Variants in ARHGAP8 observed in about 807,000 individuals in gnomAD.
The protein encoded by ARHGAP8 is Rho GTPase activating protein 8.
ARHGAP8 carries 62 observed loss-of-function variants against 46.1 expected under a neutral mutation model. The observed-to-expected ratio is 1.34, with a 90% CI of 1.10 to 1.66. The LOEUF is 1.66. Among genes scored for constraint, ARHGAP8 ranks in the 40% most tolerant of loss-of-function variants. ARHGAP8 has a pLI of 0.00. For synonymous variants in ARHGAP8, 375 were observed against 243.1 expected (o/e 1.54, Z -5.05); for missense variants, 923 against 568.4 (o/e 1.62, Z -6.34).
At chr22:44,785,101 C>G (rs181446367) in intron 1 of ARHGAP8, among the ~76,000 whole-genome samples, 5 of 152,178 alleles carry the variant, frequency 3.3e-5, no homozygotes, top group Non-Finnish European at 5.9e-5. Flanking sequence ...CCTCAGGCCC[C>G]GCCTCACGCT....
intron 1 of ARHGAP8, among the ~76,000 whole-genome samples, chr22:44,753,655 AC>A (rs1048124017): frequency 6.6e-6 from 1 of 152,042 alleles, no homozygotes; most frequent in African/African-American, 2.4e-5. Flanking sequence ...GCTCTGCCAC[AC>A]CCTGACTTGG....
intron 1 of ARHGAP8, among the ~76,000 whole-genome samples, chr22:44,780,395 T>C (rs1440955993): frequency 1.3e-5 from 2 of 152,022 alleles, no homozygotes; most frequent in East Asian, 3.9e-4. Flanking sequence ...GCACAGTGGC[T>C]CATGCCTGTA....
chr22:44,755,390 G>A (rs1417497726), intron 1 of ARHGAP8, among the ~76,000 whole-genome samples: 1 of 152,238 alleles, frequency 6.6e-6, no homozygotes, highest in Non-Finnish European at 1.5e-5. Flanking sequence ...TTAGCATGGG[G>A]AGAGAAAATA....
chr22:44,808,461 G>T (rs985852927), intron 4 of ARHGAP8, 23 bp downstream of exon 4: 2 of 1,612,486 alleles, frequency 1.2e-6, no homozygotes, highest in African/African-American at 1.3e-5. Context: ...AAGCCTTCAG[G>T]GACGTGGGTG....
chr22:44,826,415 T>C (rs919910309), intron 7 of ARHGAP8, among the ~76,000 whole-genome samples: 3 of 152,178 alleles, frequency 2.0e-5, no homozygotes, highest in African/African-American at 7.2e-5. Context: ...TCCTTATTCC[T>C]GTTATACTAC....
chr22:44,761,267 T>A (rs573425901), intron 1 of ARHGAP8, among the ~76,000 whole-genome samples: 1 of 152,224 alleles, frequency 6.6e-6, no homozygotes, highest in South Asian at 2.1e-4. Context: ...CCGTGGCCTC[T>A]GTAACCGTGG....
chr22:44,859,112 C>T (rs1263066941), intron 10 of ARHGAP8, among the ~76,000 whole-genome samples: 1 of 152,150 alleles, frequency 6.6e-6, no homozygotes. Flanking sequence ...AGTGATTCGG[C>T]TTTAGCAGCT....
chr22:44,787,090 G>A (rs1312564489), intron 2 of ARHGAP8, among the ~76,000 whole-genome samples: 2 of 151,344 alleles, frequency 1.3e-5, no homozygotes, highest in African/African-American at 4.9e-5. Context: ...GGGCCTGCTA[G>A]TGTGTTTGGA....
chr22:44,801,109 G>GA (rs1174695713), intron 2 of ARHGAP8, among the ~76,000 whole-genome samples: 9 of 43,998 alleles, frequency 2.0e-4, no homozygotes, highest in Admixed American at 4.4e-4. Context: ...GTCCATGTGT[G>GA]GGGGCACCTC....
chr22:44,762,273 A>G (rs1378245889), intron 1 of ARHGAP8, among the ~76,000 whole-genome samples: 2 of 152,136 alleles, frequency 1.3e-5, no homozygotes, highest in Non-Finnish European at 2.9e-5. Context: ...CCCAGTCTCT[A>G]CAAAATACAT....
chr22:44,859,436 G>T (rs537189356), intron 10 of ARHGAP8, among the ~76,000 whole-genome samples: 10 of 152,262 alleles, frequency 6.6e-5, no homozygotes, highest in Admixed American at 2.6e-4. Flanking sequence ...GAAGCCTCCT[G>T]AGGCTTCTCC....
intron 5 of ARHGAP8, among the ~76,000 whole-genome samples, chr22:44,821,240 G>A (rs909684742): frequency 9.2e-5 from 14 of 152,032 alleles, no homozygotes; most frequent in Non-Finnish European, 1.8e-4. Context: ...GACCATCCTG[G>A]CTAACATGTT....
intron 1 of ARHGAP8, 146 bp from the exon 2 acceptor site, chr22:44,786,311 C>T (rs1309831625): frequency 9.3e-6 from 9 of 964,500 alleles, no homozygotes; most frequent in Admixed American, 3.1e-5. Context: ...TGAGGCAGGG[C>T]GCGTAGTGGG....
At chr22:44,846,877 G>C (rs926062375) in intron 8 of ARHGAP8, among the ~76,000 whole-genome samples, 2 of 152,110 alleles carry the variant, frequency 1.3e-5, no homozygotes, top group African/African-American at 4.8e-5. Context: ...TCCCTGTTAG[G>C]GGGGTTGACC....
chr22:44,792,423 C>A (rs562014199), intron 2 of ARHGAP8, among the ~76,000 whole-genome samples: 46 of 152,302 alleles, frequency 3.0e-4, no homozygotes, highest in Non-Finnish European at 5.9e-5. Context: ...CTGGGCCTCA[C>A]CTTGGCATCA....
intron 1 of ARHGAP8, among the ~76,000 whole-genome samples, chr22:44,785,676 G>A (rs146294748): frequency 0.013 from 1,938 of 152,266 alleles, 54 homozygotes; most frequent in African/African-American, 0.044. Flanking sequence ...TCCTACATCT[G>A]CTCTAACCTT....
rs1424614928 is a variant in ARHGAP8, at chr22:44,862,652, A to G, written c.*57A>G. The G allele has an allele frequency of 1.3e-5, 19 of 1,501,420 alleles. No individual in the cohort carries two copies. The highest frequency in any genetic ancestry group is 2.8e-5 in the African/African-American group (2 of 71,518). 93.0% of individuals were successfully genotyped at this position (1,501,420 alleles called of 1,614,324 possible). On this transcript the variant is annotated 3_prime_UTR_variant, in exon 12 of 12. Coordinates refer to ENST00000356099, the MANE Select transcript of ARHGAP8 (RefSeq NM_181335.3). ...CTCCCACACCTGTCTGTGCACTTGT[A>G]TGTTTTGTAAACTTGGCATCTGTAA...
intron 11 of ARHGAP8, among the ~76,000 whole-genome samples, chr22:44,860,623 CA>C (rs2070430084): frequency 1.9e-5 from 2 of 102,954 alleles, no homozygotes; most frequent in South Asian, 6.5e-4. Context: ...TTAGAGGGGC[CA>C]CCATTCAATC....
At chr22:44,787,089 A>C (rs7289667) in intron 2 of ARHGAP8, among the ~76,000 whole-genome samples, 71,665 of 150,054 alleles carry the variant, frequency 0.48, 17,699 homozygotes, top group South Asian at 0.61. Flanking sequence ...AGGGCCTGCT[A>C]GTGTGTTTGG....
Sources: gnomAD v4.1 joint callset for allele counts (sites outside exome capture counted in the v4.1 genomes callset) on GRCh38, gnomAD v4.1.1 for gene constraint, MANE v1.5 for transcripts, NCBI Gene and HGNC (gene_info 2026-07-23, HGNC 2026-07-21) for gene names.